The following SLC28A1 variants were observed in gnomAD, a reference collection of about 807,000 sequenced individuals.
SLC28A1 encodes the protein sodium/nucleoside cotransporter 1.
Under a neutral mutation model 74.8 loss-of-function variants are expected in SLC28A1, and 64 were observed. The ratio of observed to expected loss-of-function variants is 0.86; its 90% CI spans 0.70 to 1.05. The LOEUF is 1.05. Among genes scored for constraint, SLC28A1 ranks in the 50% least tolerant of loss-of-function variants. The pLI is 0.00. For synonymous variants in SLC28A1, 359 were observed against 335.0 expected (o/e 1.07, Z -0.78); for missense variants, 828 against 822.8 (o/e 1.01, Z -0.08).
chr15:84,943,519 A>G lies in SLC28A1; in HGVS notation c.1656A>G (p.Gly552=). 3 of 1,613,446 alleles carry G rather than the reference A, an allele frequency of 1.9e-6. No individual in the cohort carries two copies. Among genetic ancestry groups the G allele is most frequent in the Non-Finnish European group, 2.5e-6 (3 of 1,179,384 alleles). The stretch of plus-strand genomic sequence containing the variant: ...TCAGCTCCATTGGGATCATGCTGGG[A>G]GGCTTGAGTGAGTCTAATCAGGGCC... ...ANFSSIGIML[G]GLTSMVPQRK... The change falls in exon 16 of 19, where the codon GGA becomes GGG. Residue 552 remains glycine, a synonymous_variant. Coordinates refer to ENST00000394573, the MANE Select transcript of SLC28A1 (RefSeq NM_004213.5).
the SLC28A1 span, among the ~76,000 whole-genome samples, chr15:84,960,799 A>T: frequency 6.6e-6 from 1 of 152,168 alleles, no homozygotes; most frequent in Non-Finnish European, 1.5e-5. Context: ...AACATTCCTT[A>T]TCTCTCCTGT....
intron 15 of SLC28A1, among the ~76,000 whole-genome samples, chr15:84,940,280 C>A (rs1426789412): frequency 6.6e-6 from 1 of 152,100 alleles, no homozygotes; most frequent in Non-Finnish European, 1.5e-5. Context: ...TTTATAACCC[C>A]CATACTGCAC....
chr15:84,965,180 T>C, the SLC28A1 span, among the ~76,000 whole-genome samples: 158 of 152,184 alleles, frequency 1.0e-3, 1 homozygote, highest in Non-Finnish European at 2.0e-3. Flanking sequence ...TCTCACAAAA[T>C]CTGATGGTTT....
intron 12 of SLC28A1, among the ~76,000 whole-genome samples, chr15:84,930,297 A>G (rs1277152298): frequency 1.3e-5 from 2 of 152,204 alleles, no homozygotes; most frequent in Non-Finnish European, 2.9e-5. Context: ...AAGCAGGGGA[A>G]GTCCCAAAGC....
downstream of SLC28A1, among the ~76,000 whole-genome samples, chr15:84,949,344 G>A (rs1455668786): frequency 6.6e-6 from 1 of 152,166 alleles, no homozygotes; most frequent in Non-Finnish European, 1.5e-5. Context: ...GGTCTTAGGA[G>A]GATATTTGAA....
At chr15:84,917,043 AAT>A (rs72199418) in intron 9 of SLC28A1, among the ~76,000 whole-genome samples, 43,601 of 133,218 alleles carry the variant, frequency 0.33, 11,387 homozygotes, top group East Asian at 0.51. Flanking sequence ...AAAAAAAATA[AAT>A]AAAAAAGGTA....
the SLC28A1 span, among the ~76,000 whole-genome samples, chr15:84,973,221 G>C: frequency 2.0e-5 from 3 of 152,168 alleles, no homozygotes; most frequent in Middle Eastern, 3.4e-3. Flanking sequence ...CCTCTGCCTG[G>C]AATGTTCTTT....
chr15:84,886,909 C>CCAGT, intron 2 of SLC28A1, 122 bp downstream of exon 2: 6 of 409,618 alleles, frequency 1.5e-5, no homozygotes, highest in Non-Finnish European at 1.6e-5. Context: ...GTATGTCAGC[C>CCAGT]TAACTGGGCT....
At chr15:84,886,889 G>A (rs1964665738) in intron 2 of SLC28A1, 102 bp downstream of exon 2, 3 of 526,732 alleles carry the variant, frequency 5.7e-6, no homozygotes, top group Non-Finnish European at 7.3e-6. Flanking sequence ...GCACATGCAC[G>A]GGTCTCTGAG....
chr15:84,891,323 A>C (rs916972581), intron 5 of SLC28A1, among the ~76,000 whole-genome samples: 1 of 152,194 alleles, frequency 6.6e-6, no homozygotes, highest in Non-Finnish European at 1.5e-5. Context: ...CTGGGTGTGC[A>C]GCATGAAGGA....
intron 15 of SLC28A1, among the ~76,000 whole-genome samples, chr15:84,937,132 G>GC (rs1972032748): frequency 6.7e-6 from 1 of 149,564 alleles, no homozygotes; most frequent in African/African-American, 2.5e-5. Flanking sequence ...AGCCATTTTT[G>GC]TTTTTTTGTT....
chr15:84,943,116 G>T (rs1310292018), intron 15 of SLC28A1, among the ~76,000 whole-genome samples: 4 of 152,154 alleles, frequency 2.6e-5, no homozygotes, highest in South Asian at 4.1e-4. Flanking sequence ...AACCCAGGAG[G>T]CACAGGTTGC....
At position 84,928,903 on chromosome 15, in the gene SLC28A1, A is replaced by G. The variant is rs375824262; in HGVS notation, c.1084-4242A>G. Reference sequence around the variant, plus strand: ...CTCCCAAACTGCTGGGATTACAGGCATGAGCCACTGCGCCCAGCCTCCAAG... The same window carrying G: ...CTCCCAAACTGCTGGGATTACAGGCGTGAGCCACTGCGCCCAGCCTCCAAG... On this transcript the variant is annotated intron_variant, in intron 12 of 18. Transcript: ENST00000394573. Among the ~76,000 whole-genome samples, 36 of 151,988 alleles carry G rather than the reference A, an allele frequency of 2.4e-4. No homozygotes were observed. The South Asian group carries it at 3.5e-3, about 15-fold the overall frequency.
At chr15:84,901,823 T>C (rs1405448521) in intron 6 of SLC28A1, among the ~76,000 whole-genome samples, 1 of 152,228 alleles carries the variant, frequency 6.6e-6, no homozygotes, top group Non-Finnish European at 1.5e-5. Flanking sequence ...AGGCCTATCA[T>C]GTAATCTACC....
intron 6 of SLC28A1, among the ~76,000 whole-genome samples, chr15:84,902,689 A>G (rs1966800973): frequency 6.6e-6 from 1 of 152,048 alleles, no homozygotes; most frequent in African/African-American, 2.4e-5. Context: ...CCATACCTCT[A>G]ATAAAGCTGT....
At chr15:84,885,430 GA>G (rs903753429) in intron 1 of SLC28A1, among the ~76,000 whole-genome samples, 4 of 149,588 alleles carry the variant, frequency 2.7e-5, no homozygotes, top group Admixed American at 1.3e-4. Flanking sequence ...ATACATTTAG[GA>G]AAAAAAAAGT....
intron 7 of SLC28A1, among the ~76,000 whole-genome samples, chr15:84,904,775 GTACTAAATTC>G (rs1966871352): frequency 1.0e-3 from 2 of 1,992 alleles, no homozygotes; most frequent in African/African-American, 7.8e-3. Context: ...ATTCTGATGT[GTACTAAATTC>G]TGATGTGTAC....
chr15:84,955,409 G>C, the SLC28A1 span, among the ~76,000 whole-genome samples: 4 of 152,334 alleles, frequency 2.6e-5, no homozygotes, highest in East Asian at 7.7e-4. Context: ...TGGAATACAA[G>C]AAGATGAAAC....
At chr15:84,929,919 C>G (rs1971078303) in intron 12 of SLC28A1, among the ~76,000 whole-genome samples, 1 of 152,166 alleles carries the variant, frequency 6.6e-6, no homozygotes. Context: ...ATGGAAGGCT[C>G]TCCTGACCAG....
Sources: gnomAD v4.1 joint callset for allele counts (sites outside exome capture counted in the v4.1 genomes callset) on GRCh38, gnomAD v4.1.1 for gene constraint, MANE v1.5 for transcripts, NCBI Gene and HGNC (gene_info 2026-07-23, HGNC 2026-07-21) for gene names.